MATCAP2: variants seen among roughly 807,000 people sequenced by gnomAD.
MATCAP2 encodes the protein microtubule associated tyrosine carboxypeptidase 2, also known as putative tyrosine carboxypeptidase MATCAP2.
At chr7:36,328,248 G>GGT in the MATCAP2 span, among the ~76,000 whole-genome samples, 2 of 120,004 alleles carry the variant, frequency 1.7e-5, 1 homozygote, top group Non-Finnish European at 3.8e-5. Context: ...GTAGGGGGGG[G>GGT]GGGTCTTGCT....
the MATCAP2 span, among the ~76,000 whole-genome samples, chr7:36,358,633 T>C: frequency 5.9e-5 from 9 of 152,376 alleles, no homozygotes; most frequent in African/African-American, 2.2e-4. Context: ...GGATATACTG[T>C]TGTGCATTCA....
the MATCAP2 span, among the ~76,000 whole-genome samples, chr7:36,328,246 G>GA: frequency 4.0e-5 from 5 of 123,804 alleles, 1 homozygote; most frequent in Non-Finnish European, 7.3e-5. Context: ...TTGTAGGGGG[G>GA]GGGGGTCTTG....
At chr7:36,349,104 A>T in the MATCAP2 span, among the ~76,000 whole-genome samples, 1 of 152,272 alleles carries the variant, frequency 6.6e-6, no homozygotes, top group African/African-American at 2.4e-5. Flanking sequence ...TGACCTTGGT[A>T]TAAGGCCTTG....
chr7:36,360,287 A>G, the MATCAP2 span, among the ~76,000 whole-genome samples: 1 of 152,168 alleles, frequency 6.6e-6, no homozygotes, highest in Non-Finnish European at 1.5e-5. Context: ...CATCTGAAAC[A>G]GCCTACACAT....
chr7:36,349,729 GT>G, the MATCAP2 span, among the ~76,000 whole-genome samples: 1 of 152,176 alleles, frequency 6.6e-6, no homozygotes. Context: ...TATTCAACCT[GT>G]TTTGTTGAAA....
At chr7:36,355,461 C>T in the MATCAP2 span, 4 of 152,142 alleles carry the variant, frequency 2.6e-5, no homozygotes, top group Non-Finnish European at 5.9e-5. Flanking sequence ...AATCTCAGCA[C>T]ATTTTTTAAA....
At chr7:36,360,060 A>G in the MATCAP2 span, among the ~76,000 whole-genome samples, 1 of 152,330 alleles carries the variant, frequency 6.6e-6, no homozygotes, top group South Asian at 2.1e-4. Context: ...ATAAAAAGGG[A>G]CAGAGTTACA....
At chr7:36,350,847 A>G in the MATCAP2 span, among the ~76,000 whole-genome samples, 1 of 152,136 alleles carries the variant, frequency 6.6e-6, no homozygotes, top group Non-Finnish European at 1.5e-5. Flanking sequence ...ACTTCATATA[A>G]AATTCAGGTT....
the MATCAP2 span, among the ~76,000 whole-genome samples, chr7:36,354,392 G>T: frequency 9.2e-5 from 14 of 152,218 alleles, no homozygotes. Context: ...CTGCTAATCT[G>T]TGCACTTAAG....
the MATCAP2 span, among the ~76,000 whole-genome samples, chr7:36,358,829 T>C: frequency 1.3e-5 from 2 of 152,306 alleles, no homozygotes; most frequent in African/African-American, 2.4e-5. Flanking sequence ...ATGTAGTATA[T>C]AATTAAACAT....
chr7:36,389,899 G>A, the MATCAP2 span: 59 of 1,551,268 alleles, frequency 3.8e-5, no homozygotes, highest in Non-Finnish European at 4.6e-5. Context: ...AGGACAGCTG[G>A]TTGTGGGAGA....
the MATCAP2 span, chr7:36,325,865 G>A: frequency 2.6e-5 from 4 of 151,810 alleles, no homozygotes; most frequent in East Asian, 7.8e-4. Context: ...TCAGAGCATG[G>A]TCAAGTTTAC....
chr7:36,371,960 C>T, the MATCAP2 span, among the ~76,000 whole-genome samples: 1 of 152,042 alleles, frequency 6.6e-6, no homozygotes, highest in Non-Finnish European at 1.5e-5. Flanking sequence ...AGCAATCCTC[C>T]CTCTGTAGCC....
the MATCAP2 span, among the ~76,000 whole-genome samples, chr7:36,362,020 T>C: frequency 6.6e-6 from 1 of 152,328 alleles, no homozygotes. Context: ...TCTAGGAGGA[T>C]ACCAGGAAAC....
chr7:36,370,938 A>G, the MATCAP2 span, among the ~76,000 whole-genome samples: 2 of 152,148 alleles, frequency 1.3e-5, no homozygotes, highest in Non-Finnish European at 2.9e-5. Flanking sequence ...ATCTTTATGA[A>G]TTCTAGAAGC....
chr7:36,331,315 C>A, the MATCAP2 span, among the ~76,000 whole-genome samples: 6 of 152,120 alleles, frequency 3.9e-5, no homozygotes, highest in Admixed American at 2.0e-4. Flanking sequence ...ACATCCTCCC[C>A]GTTATTAAAA....
At chr7:36,330,507 A>T in the MATCAP2 span, among the ~76,000 whole-genome samples, 1 of 152,246 alleles carries the variant, frequency 6.6e-6, no homozygotes, top group Non-Finnish European at 1.5e-5. Context: ...ATAAATCTTG[A>T]TTGGATCTCA....
At chr7:36,350,943 A>G in the MATCAP2 span, among the ~76,000 whole-genome samples, 1 of 152,024 alleles carries the variant, frequency 6.6e-6, no homozygotes, top group African/African-American at 2.4e-5. Context: ...TTACTACTAT[A>G]CTCAGCCAGT....
At chr7:36,368,519 A>C in the MATCAP2 span, among the ~76,000 whole-genome samples, 3 of 152,008 alleles carry the variant, frequency 2.0e-5, no homozygotes, top group African/African-American at 7.2e-5. Context: ...ACTTGCTACC[A>C]CTCTGGTTCA....
Sources: gnomAD v4.1 joint callset for allele counts (sites outside exome capture counted in the v4.1 genomes callset) on GRCh38, gnomAD v4.1.1 for gene constraint, MANE v1.5 for transcripts, NCBI Gene and HGNC (gene_info 2026-07-23, HGNC 2026-07-21) for gene names.